Variants in CDK14 observed in about 807,000 individuals in gnomAD.
CDK14 encodes cyclin-dependent kinase 14.
In CDK14, 34 loss-of-function variants were observed where a neutral mutation model predicts 60.7. The observed-to-expected ratio is 0.56, with a 90% CI of 0.43 to 0.75. The LOEUF is 0.75. Among genes scored for constraint, CDK14 ranks in the 30% least tolerant of loss-of-function variants. CDK14 has a pLI of 0.00. For synonymous variants in CDK14, 197 were observed against 203.7 expected (o/e 0.97, Z 0.28); for missense variants, 482 against 564.1 (o/e 0.85, Z 1.47).
chr7:90,967,467 T>C (rs1794786111), intron 9 of CDK14, among the ~76,000 whole-genome samples: 1 of 152,152 alleles, frequency 6.6e-6, no homozygotes. Flanking sequence ...TTGCATATGC[T>C]GATGAGTGGG....
intron 10 of CDK14, among the ~76,000 whole-genome samples, chr7:90,998,108 C>CATTTTAG (rs1402240275): frequency 3.3e-5 from 5 of 152,144 alleles, no homozygotes; most frequent in African/African-American, 1.2e-4. Context: ...AATATACCAT[C>CATTTTAG]ATGTCAAATT....
chr7:91,174,158 T>C (rs369174122), intron 14 of CDK14, among the ~76,000 whole-genome samples: 1,609 of 151,688 alleles, frequency 0.011, 12 homozygotes, highest in Non-Finnish European at 0.015. Flanking sequence ...CCCTGACCCC[T>C]GAGCAGCCTA....
At chr7:90,687,284 A>G (rs892098947) in intron 2 of CDK14, among the ~76,000 whole-genome samples, 2 of 152,090 alleles carry the variant, frequency 1.3e-5, no homozygotes, top group Non-Finnish European at 2.9e-5. Context: ...ATCATCCTCA[A>G]CATGAGTCTA....
intron 7 of CDK14, among the ~76,000 whole-genome samples, chr7:90,901,986 G>T (rs920715690): frequency 6.6e-6 from 1 of 151,690 alleles, no homozygotes; most frequent in African/African-American, 2.4e-5. Flanking sequence ...GGCTGAAAAA[G>T]AAATAAAACA....
chr7:90,831,667 T>C (rs1181241318), intron 5 of CDK14, among the ~76,000 whole-genome samples: 1 of 148,274 alleles, frequency 6.7e-6, no homozygotes. Flanking sequence ...GCTTGGGCTC[T>C]ATTGTTATAT....
intron 5 of CDK14, among the ~76,000 whole-genome samples, chr7:90,817,728 C>T (rs1446483258): frequency 6.6e-6 from 1 of 152,142 alleles, no homozygotes; most frequent in Non-Finnish European, 1.5e-5. Flanking sequence ...GTGGTTGTCT[C>T]TGTTGTTACT....
At chr7:91,050,386 A>G (rs1203001820) in intron 11 of CDK14, among the ~76,000 whole-genome samples, 1 of 152,166 alleles carries the variant, frequency 6.6e-6, no homozygotes, top group Non-Finnish European at 1.5e-5. Context: ...TGATTATCCC[A>G]GAACTCAACA....
At position 91,012,174 on chromosome 7, in the gene CDK14, A is replaced by G. The variant is rs191366669; in HGVS notation, c.1041+27933A>G. On this transcript the variant is annotated intron_variant, in intron 10 of 14. Coordinates refer to ENST00000380050, the MANE Select transcript of CDK14 (RefSeq NM_001287135.2). The stretch of plus-strand genomic sequence containing the variant: ...AGCTGCTGCATTTAGCCTAGGATAA[A>G]TTTTTCTGCACTACTGAAACAAGAT... 9.2e-5 allele frequency among the ~76,000 whole-genome samples: 14 copies of G among 152,150 alleles called. No homozygotes were observed. In the East Asian group the frequency reaches 2.7e-3, roughly 29 times the overall value.
chr7:90,694,416 ACTT>A (rs1347234807), intron 2 of CDK14, among the ~76,000 whole-genome samples: 1 of 152,198 alleles, frequency 6.6e-6, no homozygotes, highest in African/African-American at 2.4e-5. Flanking sequence ...TTGATATTAA[ACTT>A]CTTTACAGTA....
chr7:91,017,683 A>G lies in CDK14; in HGVS notation c.1042-28214A>G, dbSNP rs7810143. ...ATAGACAGAATAAATGGGCACTGCT[A>G]TATGATGGATGAGTATCACAGCGTC... On this transcript the variant is annotated intron_variant, in intron 10 of 14. Transcript: ENST00000380050. Among the ~76,000 whole-genome samples, 4 of 152,184 alleles carry G rather than the reference A, an allele frequency of 2.6e-5. No individual in the cohort carries two copies. The East Asian group carries it at 7.7e-4, about 29-fold the overall frequency.
intron 14 of CDK14, among the ~76,000 whole-genome samples, chr7:91,189,300 G>A (rs950722565): frequency 6.6e-6 from 1 of 152,044 alleles, no homozygotes; most frequent in African/African-American, 2.4e-5. Flanking sequence ...CACAATTAAG[G>A]GGTCAGCAGT....
chr7:90,663,462 TCCCC>T (rs1462718824), intron 2 of CDK14, among the ~76,000 whole-genome samples: 4 of 152,126 alleles, frequency 2.6e-5, no homozygotes, highest in African/African-American at 9.7e-5. Flanking sequence ...CTCCAGTTCT[TCCCC>T]TCCTTCAGTG....
intron 2 of CDK14, chr7:90,709,730 T>G (rs760202792): frequency 1.5e-5 from 22 of 1,444,670 alleles, no homozygotes; most frequent in Non-Finnish European, 2.0e-5. Context: ...GTTTTTGGTC[T>G]TATTCCACTG....
intron 2 of CDK14, among the ~76,000 whole-genome samples, chr7:90,620,623 T>C (rs530011212): frequency 1.3e-5 from 2 of 152,296 alleles, no homozygotes; most frequent in Non-Finnish European, 2.9e-5. Flanking sequence ...GAAATAATGC[T>C]TGTAATTCCT....
In CDK14 at chr7:90,903,301, T is replaced by C. The variant is rs578205596; in HGVS notation, c.702+3948T>C. 9.2e-5 allele frequency among the ~76,000 whole-genome samples: 14 copies of C among 152,192 alleles called. 1 individual carries two copies. Among genetic ancestry groups the C allele is most frequent in the South Asian group, 2.1e-4 (1 of 4,820 alleles). The stretch of plus-strand genomic sequence containing the variant: ...AGCACTATTCACAATAGCAAAGATA[T>C]GGAATCAATCTAAGTGTCCATCAAC... On this transcript the variant is annotated intron_variant, in intron 7 of 14. Transcript: ENST00000380050.
chr7:90,860,771 G>C (rs747769431), intron 5 of CDK14, among the ~76,000 whole-genome samples: 7 of 151,846 alleles, frequency 4.6e-5, no homozygotes, highest in East Asian at 3.9e-4. Flanking sequence ...GATCCACCCC[G>C]CTCGGCCTCC....
chr7:91,072,958 A>G (rs1798197270), intron 11 of CDK14, among the ~76,000 whole-genome samples: 1 of 152,118 alleles, frequency 6.6e-6, no homozygotes, highest in African/African-American at 2.4e-5. Context: ...GCAGCCACAC[A>G]AGATTAGAGA....
intron 12 of CDK14, among the ~76,000 whole-genome samples, chr7:91,100,678 T>C (rs529835636): frequency 3.9e-5 from 6 of 152,314 alleles, no homozygotes; most frequent in Non-Finnish European, 7.4e-5. Flanking sequence ...TTTGGAATGA[T>C]CTTAAACATT....
chr7:90,953,541 T>C (rs901842135), intron 8 of CDK14, among the ~76,000 whole-genome samples: 1 of 152,180 alleles, frequency 6.6e-6, no homozygotes, highest in African/African-American at 2.4e-5. Context: ...AAATTACATG[T>C]GGTTATTTTG....
Sources: gnomAD v4.1 joint callset for allele counts (sites outside exome capture counted in the v4.1 genomes callset) on GRCh38, gnomAD v4.1.1 for gene constraint, MANE v1.5 for transcripts, NCBI Gene and HGNC (gene_info 2026-07-23, HGNC 2026-07-21) for gene names.